The following PTPRD variants were observed in gnomAD, a reference collection of about 807,000 sequenced individuals.
PTPRD encodes the protein receptor-type tyrosine-protein phosphatase delta.
A neutral mutation model predicts 214.5 loss-of-function variants in PTPRD; 34 were observed. The ratio of observed to expected loss-of-function variants is 0.16; its 90% CI spans 0.12 to 0.21. The LOEUF is 0.21. PTPRD is among the 10% of genes least tolerant of loss of function. PTPRD has a pLI of 1.00. For synonymous variants in PTPRD, 1,128 were observed against 845.7 expected (o/e 1.33, Z -5.79); for missense variants, 2,545 against 2,398.7 (o/e 1.06, Z -1.27).
At chr9:9,779,275 A>C in intron 5 of PTPRD, among the ~76,000 whole-genome samples, 1 of 151,968 alleles carries the variant, frequency 6.6e-6, no homozygotes, top group East Asian at 1.9e-4. Context: ...TAGAAAATAC[A>C]CTTCCAGACA....
chr9:8,610,278 A>G (rs1486098139), intron 14 of PTPRD, among the ~76,000 whole-genome samples: 2 of 152,186 alleles, frequency 1.3e-5, no homozygotes, highest in Admixed American at 1.3e-4. Flanking sequence ...TATTTTTTGT[A>G]AAGCACTTAG....
At chr9:8,368,487 G>C (rs766455203) in intron 39 of PTPRD, among the ~76,000 whole-genome samples, 4 of 152,048 alleles carry the variant, frequency 2.6e-5, no homozygotes, top group African/African-American at 9.7e-5. Context: ...ATATGATTTT[G>C]AAGTTAGATA....
intron 2 of PTPRD, among the ~76,000 whole-genome samples, chr9:10,419,842 T>C (rs969354885): frequency 6.6e-6 from 1 of 151,828 alleles, no homozygotes; most frequent in Non-Finnish European, 1.5e-5. Flanking sequence ...CATATTTTAG[T>C]TAATACTAGA....
intron 9 of PTPRD, among the ~76,000 whole-genome samples, chr9:9,240,731 A>G (rs1047731241): frequency 6.6e-6 from 1 of 152,192 alleles, no homozygotes; most frequent in African/African-American, 2.4e-5. Context: ...GAATGTTTCA[A>G]AATTGTATAA....
intron 8 of PTPRD, among the ~76,000 whole-genome samples, chr9:9,407,521 A>T: frequency 6.6e-6 from 1 of 151,832 alleles, no homozygotes; most frequent in East Asian, 1.9e-4. Context: ...ATAGGATATG[A>T]AGAAATTTTT....
At chr9:10,600,485 G>C (rs2077691145) in intron 2 of PTPRD, among the ~76,000 whole-genome samples, 1 of 151,690 alleles carries the variant, frequency 6.6e-6, no homozygotes, top group South Asian at 2.1e-4. Flanking sequence ...CAGCAACAAA[G>C]ACCTGGAGCT....
At chr9:8,487,804 C>T (rs983187706) in intron 27 of PTPRD, among the ~76,000 whole-genome samples, 3 of 143,342 alleles carry the variant, frequency 2.1e-5, no homozygotes, top group East Asian at 2.1e-4. Context: ...GAGCAAATTC[C>T]GTCTCAAAAA....
chr9:8,331,529 C>T (rs1841079992), intron 44 of PTPRD, 53 bp downstream of exon 44: 2 of 1,571,146 alleles, frequency 1.3e-6, no homozygotes, highest in Non-Finnish European at 1.7e-6. Context: ...TGTATACAGA[C>T]AATGAAGAAA....
At chr9:10,260,102 C>G (rs191037289) in intron 3 of PTPRD, among the ~76,000 whole-genome samples, 119 of 152,222 alleles carry the variant, frequency 7.8e-4, no homozygotes, top group African/African-American at 2.7e-3. Flanking sequence ...TATATTTATA[C>G]TAAAAAAAAT....
chr9:9,958,201 A>G (rs1038650947), intron 4 of PTPRD, among the ~76,000 whole-genome samples: 1 of 152,234 alleles, frequency 6.6e-6, no homozygotes, highest in African/African-American at 2.4e-5. Flanking sequence ...AAAACAATCT[A>G]TGAAACAAAG....
intron 12 of PTPRD, among the ~76,000 whole-genome samples, chr9:8,704,433 G>A (rs1015637534): frequency 6.6e-6 from 1 of 152,146 alleles, no homozygotes; most frequent in African/African-American, 2.4e-5. Context: ...ATAGGCTTAA[G>A]GTCATTAAAA....
intron 14 of PTPRD, among the ~76,000 whole-genome samples, chr9:8,531,044 T>C (rs939191439): frequency 3.9e-5 from 6 of 152,052 alleles, no homozygotes; most frequent in African/African-American, 1.2e-4. Context: ...AACACACTTA[T>C]AAAAATAATT....
chr9:8,391,775 C>A (rs770206243), intron 36 of PTPRD, among the ~76,000 whole-genome samples: 1 of 152,104 alleles, frequency 6.6e-6, no homozygotes, highest in Non-Finnish European at 1.5e-5. Flanking sequence ...TGTGCCACCT[C>A]CCCCCTTATC....
intron 43 of PTPRD, among the ~76,000 whole-genome samples, chr9:8,336,865 C>A (rs988400734): frequency 6.6e-6 from 1 of 152,138 alleles, no homozygotes; most frequent in Non-Finnish European, 1.5e-5. Flanking sequence ...TATCACTGGT[C>A]ATTAGAGAAA....
At chr9:9,680,466 C>T (rs2097043504) in intron 7 of PTPRD, among the ~76,000 whole-genome samples, 2 of 151,796 alleles carry the variant, frequency 1.3e-5, no homozygotes, top group Admixed American at 6.6e-5. Flanking sequence ...GTTCATAACA[C>T]AAATTCTTTT....
At chr9:10,292,205 C>T (rs2095546879) in intron 3 of PTPRD, among the ~76,000 whole-genome samples, 1 of 151,976 alleles carries the variant, frequency 6.6e-6, no homozygotes, top group South Asian at 2.1e-4. Context: ...ACTGAGGAGA[C>T]ATGTTGAATC....
chr9:10,477,190 C>T (rs2099068472), intron 2 of PTPRD, among the ~76,000 whole-genome samples: 1 of 152,088 alleles, frequency 6.6e-6, no homozygotes, highest in African/African-American at 2.4e-5. Context: ...TCAGAGTGAA[C>T]AGGCAACCTA....
chr9:8,428,688 T>G lies in PTPRD; in HGVS notation c.4086+7904A>C, dbSNP rs145975049. ...CCAAAAAAAATTGTGTGTGTGTGTATGTGTGTGTGTTTGGTTTCTTGTTTT... is the reference window on the plus strand; with the variant it reads ...CCAAAAAAAATTGTGTGTGTGTGTAGGTGTGTGTGTTTGGTTTCTTGTTTT... On this transcript the variant is annotated intron_variant, in intron 35 of 45. Transcript: ENST00000381196. Among the ~76,000 whole-genome samples, 154 of 152,238 alleles carry G rather than the reference T, an allele frequency of 1.0e-3. 2 individuals carry two copies. Among genetic ancestry groups the G allele is most frequent in the African/African-American group, 3.4e-3 (142 of 41,548 alleles).
intron 2 of PTPRD, among the ~76,000 whole-genome samples, chr9:10,511,042 T>C (rs1025805993): frequency 1.3e-5 from 2 of 152,136 alleles, no homozygotes; most frequent in African/African-American, 4.8e-5. Flanking sequence ...GATTCATACA[T>C]GTTATTGTAA....
Sources: gnomAD v4.1 joint callset for allele counts (sites outside exome capture counted in the v4.1 genomes callset) on GRCh38, gnomAD v4.1.1 for gene constraint, MANE v1.5 for transcripts, NCBI Gene and HGNC (gene_info 2026-07-23, HGNC 2026-07-21) for gene names.